RNF8: variants seen among roughly 807,000 people sequenced by gnomAD.
RNF8 encodes the protein ring finger protein 8.
In RNF8, 8 loss-of-function variants were observed where a neutral mutation model predicts 59.3. That is an observed-to-expected ratio of 0.13 (90% CI 0.08 to 0.24). The LOEUF (loss-of-function observed/expected upper bound fraction) is 0.24, where lower values mean the gene tolerates loss of function less well. RNF8 is among the 10% of genes least tolerant of loss of function. RNF8 has a pLI of 1.00. For missense variants in RNF8, 406 were observed against 572.6 expected, an observed-to-expected ratio of 0.71 and a Z score of 2.97; for synonymous variants, 162 against 200.0, an observed-to-expected ratio of 0.81 and a Z score of 1.60.
chr6:37,370,238 C>G (rs1164886263), intron 3 of RNF8: 7 of 152,202 alleles, frequency 4.6e-5, no homozygotes. Flanking sequence ...CTTGAACTGA[C>G]AGTATTAGCA....
At chr6:37,371,456 G>T in intron 3 of RNF8, 56 bp from the exon 4 acceptor site, 1 of 1,483,646 alleles carries the variant, frequency 6.7e-7, no homozygotes, top group Non-Finnish European at 9.4e-7. Context: ...GCTGGATTGT[G>T]TTCCTTTTTT....
At chr6:37,385,107 G>A (rs751722367) in intron 7 of RNF8, among the ~76,000 whole-genome samples, 5 of 151,476 alleles carry the variant, frequency 3.3e-5, no homozygotes, top group Admixed American at 2.0e-4. Context: ...TCCGCCTCCC[G>A]GGTTCAAGCA....
At chr6:37,354,331 C>T (rs1252049546) in intron 1 of RNF8, 56 bp downstream of exon 1, 8 of 1,370,220 alleles carry the variant, frequency 5.8e-6, no homozygotes, top group African/African-American at 2.9e-5. Flanking sequence ...GAGCGGGGCT[C>T]CGGGGAGGGA....
chr6:37,368,295 G>T, intron 2 of RNF8, 189 bp from the exon 3 acceptor site: 1 of 1,397,450 alleles, frequency 7.2e-7, no homozygotes, highest in Non-Finnish European at 9.7e-7. Context: ...GTGAAATATA[G>T]GTAAAAAGCC....
chr6:37,361,308 G>A (rs993270268), intron 2 of RNF8: 8 of 454,816 alleles, frequency 1.8e-5, no homozygotes, highest in African/African-American at 4.0e-5. Flanking sequence ...CCTTAAGTTC[G>A]GCATCAATAT....
chr6:37,364,800 C>T (rs1484184623), intron 2 of RNF8, among the ~76,000 whole-genome samples: 2 of 152,176 alleles, frequency 1.3e-5, no homozygotes, highest in African/African-American at 2.4e-5. Context: ...GATGGAGTTT[C>T]GCTCTTTTTG....
intron 2 of RNF8, among the ~76,000 whole-genome samples, chr6:37,364,125 G>C (rs1769450009): frequency 7.0e-6 from 1 of 142,978 alleles, no homozygotes; most frequent in South Asian, 2.2e-4. Flanking sequence ...CTTGCAGTGA[G>C]CCGAGATCAG....
chr6:37,390,746 G>A lies in RNF8; in HGVS notation c.1446G>A (p.Lys482=). The A allele has an allele frequency of 6.2e-7, 1 of 1,612,074 alleles. No homozygotes were observed. Among genetic ancestry groups the A allele is most frequent in the Non-Finnish European group, 8.5e-7 (1 of 1,178,176 alleles). The change falls in exon 8 of 8, where the codon AAG becomes AAA. Residue 482 remains lysine (K), a synonymous_variant. Coordinates refer to ENST00000373479, the MANE Select transcript of RNF8 (RefSeq NM_003958.4). ...RIVLIRERKA[K]RLF The stretch of plus-strand genomic sequence containing the variant: ...TTCTCTTCTTTTTCTCCAAAGCAAA[G>A]AGATTGTTCTGAAGACCGTGCTCTA...
intron 7 of RNF8, among the ~76,000 whole-genome samples, chr6:37,382,602 A>ACACC (rs1451625456): frequency 1.3e-5 from 2 of 152,078 alleles, no homozygotes; most frequent in Non-Finnish European, 2.9e-5. Context: ...GGACCTAGGG[A>ACACC]CACCCATGGG....
intron 7 of RNF8, 117 bp from the exon 8 acceptor site, chr6:37,390,625 C>T: frequency 4.3e-6 from 3 of 694,278 alleles, no homozygotes; most frequent in South Asian, 1.7e-5. Flanking sequence ...TCTGTTTTCT[C>T]AGTTCGCTAT....
chr6:37,367,604 G>A (rs1172462613), intron 2 of RNF8, among the ~76,000 whole-genome samples: 2 of 152,126 alleles, frequency 1.3e-5, no homozygotes, highest in East Asian at 3.8e-4. Flanking sequence ...TGGTCTCACT[G>A]TGTTGGCCAG....
At chr6:37,359,132 G>C (rs1477901435) in intron 1 of RNF8, 5 of 421,926 alleles carry the variant, frequency 1.2e-5, no homozygotes, top group Non-Finnish European at 2.3e-5. Flanking sequence ...AAAAGAATAA[G>C]GGAATTCTGT....
intron 3 of RNF8, chr6:37,370,376 G>A (rs979300738): frequency 4.6e-5 from 7 of 152,140 alleles, no homozygotes; most frequent in Non-Finnish European, 1.0e-4. Context: ...TACGTGTTTA[G>A]TATATCACAC....
chr6:37,378,227 G>T (rs935732076), intron 6 of RNF8, among the ~76,000 whole-genome samples: 4 of 152,140 alleles, frequency 2.6e-5, no homozygotes, highest in African/African-American at 7.2e-5. Flanking sequence ...TTGGGAGGCG[G>T]AGGCTACAGT....
intron 7 of RNF8, among the ~76,000 whole-genome samples, chr6:37,382,578 C>CG (rs1363265222): frequency 6.6e-6 from 1 of 151,962 alleles, no homozygotes; most frequent in Non-Finnish European, 1.5e-5. Flanking sequence ...AGTCGGGGGA[C>CG]GGGGTTGGGG....
At position 37,369,097 on chromosome 6, in the gene RNF8, T is replaced by G. The variant is rs376274714; in HGVS notation, c.854T>G (p.Val285Gly). ...KQTQKGNSKK[V>G]VQMEQELQDL... ...ACCCAAAAGGGGAACTCAAAGAAAGTTGTGCAAATGGAGCAGGAACTTCAG... is the reference window on the plus strand; with the variant it reads ...ACCCAAAAGGGGAACTCAAAGAAAGGTGTGCAAATGGAGCAGGAACTTCAG... Residue 285 changes from valine (V) to glycine (G), a missense_variant, in exon 3 of 8, where the codon GTT becomes GGT. By Grantham distance (109) the Val-to-Gly change is moderately radical. Around this residue, in one of 3 missense-constraint regions of RNF8, gnomAD observed 285 missense variants for 342.0 expected, o/e 0.83. Transcript: ENST00000373479. 2.6e-5 allele frequency: 42 copies of G among 1,613,972 alleles called. No individual in the cohort carries two copies. The highest frequency in any genetic ancestry group is 6.7e-5 in the Admixed American group (4 of 59,990).
intron 4 of RNF8, 27 bp from the exon 5 acceptor site, chr6:37,374,593 G>A (rs756300873): frequency 6.4e-7 from 1 of 1,563,156 alleles, no homozygotes; most frequent in South Asian, 1.1e-5. Context: ...AGTTCATCCT[G>A]AGTATGTATC....
At chr6:37,358,158 G>T (rs1179491572) in intron 1 of RNF8, among the ~76,000 whole-genome samples, 1 of 152,160 alleles carries the variant, frequency 6.6e-6, no homozygotes, top group Non-Finnish European at 1.5e-5. Flanking sequence ...CCTCAGGTAG[G>T]CTGGCACTTC....
chr6:37,354,694 C>T (rs1215705139), intron 1 of RNF8, among the ~76,000 whole-genome samples: 1 of 126,414 alleles, frequency 7.9e-6, no homozygotes, highest in Non-Finnish European at 1.6e-5. Context: ...GCGCAGGGAA[C>T]GTGAGGAGAT....
Sources: allele counts gnomAD v4.1 joint callset (sites outside exome capture counted in the v4.1 genomes callset), GRCh38; gene constraint gnomAD v4.1.1; regional missense constraint gnomAD v4.1.1; transcripts MANE v1.5; gene names NCBI Gene and HGNC (gene_info 2026-07-23, HGNC 2026-07-21).